Variants in SDAD1 observed in about 807,000 individuals in gnomAD.
SDAD1 encodes the protein SDA1 domain containing 1.
SDAD1 carries 79 observed loss-of-function variants against 100.3 expected under a neutral mutation model. The ratio of observed to expected loss-of-function variants is 0.79; its 90% CI spans 0.66 to 0.95. SDAD1 has a LOEUF of 0.95. Ranked by LOEUF, SDAD1 falls within the 40% of genes least tolerant of loss-of-function variation. SDAD1 has a pLI of 0.00. For missense variants in SDAD1, 790 were observed against 810.9 expected (o/e 0.97, Z 0.31); for synonymous variants, 267 against 271.4 (o/e 0.98, Z 0.16).
At position 75,970,293 on chromosome 4, in the gene SDAD1, C is replaced by T. The variant is rs188879822; in HGVS notation, c.883+16G>A. On this transcript the variant is annotated intron_variant, in intron 10 of 21. Transcript: ENST00000356260. ...AGATAAGGCCAACAAGGAACTCGGA[C>T]GTCATAATAACGTACCTTGGGGATC... The T allele has an allele frequency of 6.2e-4, 990 of 1,606,050 alleles. 1 individual carries two copies. Among genetic ancestry groups the T allele is most frequent in the Non-Finnish European group, 5.8e-4 (676 of 1,173,300 alleles).
Position 75,971,416 on chromosome 4 carries a change from T to C in SDAD1, c.754A>G (p.Thr252Ala), listed in dbSNP as rs774926966. 2.8e-5 allele frequency: 45 copies of C among 1,613,992 alleles called. No homozygotes were observed. The highest frequency in any genetic ancestry group is 8.8e-5 in the South Asian group (8 of 91,092). Residue 252 changes from threonine (T) to alanine (A), a missense_variant, in exon 9 of 22, where the codon ACA (threonine) becomes GCA (alanine). By Grantham distance (58) the Thr-to-Ala change is moderately conservative. Transcript: ENST00000356260. Reference protein sequence around the residue: ...TARDLLVQYATGKKSSKNKKK... With the variant: ...TARDLLVQYAAGKKSSKNKKK... Reference sequence around the variant, plus strand: ...TTGTTTTTGGAACTTTTCTTCCCTGTAGCATATTGTACTAGCAGGTCTCTT... The same window carrying C: ...TTGTTTTTGGAACTTTTCTTCCCTGCAGCATATTGTACTAGCAGGTCTCTT...
rs1391860793 is a variant in SDAD1, at chr4:75,971,365, C to T, written c.805G>A (p.Val269Met). Reference sequence around the variant, plus strand: ...CCAGATACAAGTCCCACCTTGAGCACTTTCATTGCCTTTTCCAACTTTTTC... The same window carrying T: ...CCAGATACAAGTCCCACCTTGAGCATTTTCATTGCCTTTTCCAACTTTTTC... ...NKKKLEKAMK[V>M]LKKQKKKKKP... Residue 269 changes from valine (V) to methionine (M), a missense_variant, in exon 9 of 22, where the codon GTG (valine) becomes ATG (methionine). Val to Met is a conservative substitution (Grantham distance 21, BLOSUM62 1). Coordinates refer to ENST00000356260, the MANE Select transcript of SDAD1 (RefSeq NM_018115.4). 5 of 1,612,256 alleles carry T rather than the reference C, an allele frequency of 3.1e-6. No homozygotes were observed. The highest frequency in any genetic ancestry group is 1.3e-5 in the African/African-American group (1 of 74,988).
intron 3 of SDAD1, among the ~76,000 whole-genome samples, chr4:75,978,558 T>G (rs1730289971): frequency 6.6e-6 from 1 of 152,028 alleles, no homozygotes; most frequent in South Asian, 2.1e-4. Flanking sequence ...CACCCAAATT[T>G]TGTGTTACCC....
chr4:75,990,711 C>T, intron 1 of SDAD1, 41 bp downstream of exon 1: 1 of 1,612,640 alleles, frequency 6.2e-7, no homozygotes, highest in African/African-American at 1.3e-5. Context: ...TCTCAACCAT[C>T]CACTATCCGG....
chr4:75,968,648 C>G (rs1004478939), intron 11 of SDAD1, among the ~76,000 whole-genome samples: 4 of 152,056 alleles, frequency 2.6e-5, no homozygotes, highest in Non-Finnish European at 4.4e-5. Context: ...GTTAAACAAA[C>G]AGTGAGATGT....
Position 75,960,173 on chromosome 4 carries a change from G to A in SDAD1, c.1376C>T (p.Ser459Phe). Residue 459 changes from serine to phenylalanine, a missense_variant, in exon 17 of 22, where the codon TCC becomes TTC. Physicochemically the swap from Ser to Phe is radical, Grantham distance 155 (BLOSUM62 -2). Coordinates refer to ENST00000356260, the MANE Select transcript of SDAD1 (RefSeq NM_018115.4). Reference sequence around the variant, plus strand: ...ATATTCTTGTACTCTTGCTTCTATGGAGGCCTCTGTAGGCTTACCCTAAAG... The same window carrying A: ...ATATTCTTGTACTCTTGCTTCTATGAAGGCCTCTGTAGGCTTACCCTAAAG... The part of the protein sequence containing the change: ...KKFRGKPTEA[S>F]IEARVQEYGE... 1 of 1,606,014 alleles carries A rather than the reference G, an allele frequency of 6.2e-7. No homozygotes were observed. The highest frequency in any genetic ancestry group is 8.5e-7 in the Non-Finnish European group (1 of 1,177,284).
rs1398421535 is a variant in SDAD1 at position 75,975,959 on chromosome 4, T to C, written c.442A>G (p.Ile148Val). Residue 148 changes from isoleucine (I) to valine (V), a missense_variant, in exon 5 of 22, where the codon ATA becomes GTA. By Grantham distance (29) the Ile-to-Val change is conservative (BLOSUM62 3). Transcript: ENST00000356260. ...YTHIVTDIKN[I>V]NAKHKNNKVN... ...TTATTGTTCTTGTGTTTTGCATTTA[T>C]ATTCTTGATATCAGTCACAATATGT... 1 of 1,604,402 alleles carries C rather than the reference T, an allele frequency of 6.2e-7. No individual in the cohort carries two copies. Among genetic ancestry groups the C allele is most frequent in the Non-Finnish European group, 8.5e-7 (1 of 1,171,272 alleles).
chr4:75,981,508 T>A (rs747870533), intron 2 of SDAD1, 38 bp from the exon 3 acceptor site: 1 of 1,612,058 alleles, frequency 6.2e-7, no homozygotes, highest in East Asian at 2.2e-5. Context: ...GTTGCTCTCT[T>A]TCTCTCCTAT....
intron 10 of SDAD1, among the ~76,000 whole-genome samples, chr4:75,969,942 G>A (rs780481003): frequency 6.6e-6 from 1 of 151,526 alleles, no homozygotes; most frequent in Non-Finnish European, 1.5e-5. Flanking sequence ...TTGAGAACTA[G>A]TGTTCTCGAA....
At chr4:75,965,699 G>T in intron 13 of SDAD1, 65 bp downstream of exon 13, 1 of 1,352,088 alleles carries the variant, frequency 7.4e-7, no homozygotes, top group Non-Finnish European at 1.1e-6. Context: ...GATAGACCCT[G>T]AAGTACCTAA....
In SDAD1 at chr4:75,970,389, G is replaced by A. The variant is rs1037069349; in HGVS notation, c.814-11C>T. The A allele has an allele frequency of 1.9e-6, 3 of 1,604,140 alleles. No homozygotes were observed. The highest frequency in any genetic ancestry group is 1.3e-5 in the African/African-American group (1 of 74,830). Reference sequence around the variant, plus strand: ...CTTCTTTTTTTGTTTCTGAAAGGGAGAGGAAAAACATTTTCAGTCTGAGTT... The same window carrying A: ...CTTCTTTTTTTGTTTCTGAAAGGGAAAGGAAAAACATTTTCAGTCTGAGTT... On this transcript the variant is annotated splice_polypyrimidine_tract_variant and intron_variant, in intron 9 of 21. Coordinates refer to ENST00000356260, the MANE Select transcript of SDAD1 (RefSeq NM_018115.4).
chr4:75,971,604 C>T (rs1729870849), intron 8 of SDAD1, 146 bp from the exon 9 acceptor site: 3 of 628,954 alleles, frequency 4.8e-6, no homozygotes, highest in African/African-American at 1.9e-5. Flanking sequence ...GGCGCAGTGG[C>T]TCACGTCTGT....
chr4:75,978,069 T>C (rs73825592), intron 3 of SDAD1, among the ~76,000 whole-genome samples: 2,059 of 152,240 alleles, frequency 0.014, 37 homozygotes, highest in African/African-American at 0.045. Context: ...CTCTTTGTAG[T>C]GTCATCATAC....
At chr4:75,956,664 GC>G (rs1728914136) in intron 20 of SDAD1, among the ~76,000 whole-genome samples, 1 of 152,130 alleles carries the variant, frequency 6.6e-6, no homozygotes, top group South Asian at 2.1e-4. Context: ...ACTGGCTCTG[GC>G]TTTTCACTGG....
chr4:75,989,266 A>T (rs6532073), intron 1 of SDAD1, among the ~76,000 whole-genome samples: 151,202 of 152,280 alleles, frequency 0.99, 75,070 homozygotes, highest in East Asian at 1. Flanking sequence ...ACCTAAAATG[A>T]TGTTTACCTG....
rs1241800907 is a variant in SDAD1 at position 75,953,138 on chromosome 4, A to T, written c.2017-2341T>A. ...TTCCAAATGACAAGAAAATTGGAGA[A>T]CAAGAAAAAACATTCTTGAACCAAC... On this transcript the variant is annotated intron_variant, in intron 21 of 21. Transcript: ENST00000356260. 2.0e-5 allele frequency among the ~76,000 whole-genome samples: 3 copies of T among 152,220 alleles called. No homozygotes were observed. In the East Asian group the frequency reaches 5.8e-4, roughly 29 times the overall value.
At chr4:75,955,459 G>A (rs1458128728) in intron 21 of SDAD1, among the ~76,000 whole-genome samples, 3 of 152,058 alleles carry the variant, frequency 2.0e-5, no homozygotes, top group Non-Finnish European at 4.4e-5. Context: ...GCCAGATCCC[G>A]CAATAATCAC....
chr4:75,951,330 A>G (rs765720625), intron 21 of SDAD1, among the ~76,000 whole-genome samples: 2 of 152,200 alleles, frequency 1.3e-5, no homozygotes, highest in Non-Finnish European at 2.9e-5. Flanking sequence ...GAAACAAAGA[A>G]AAGTGATACC....
At chr4:75,952,602 A>G (rs1363702577) in intron 21 of SDAD1, among the ~76,000 whole-genome samples, 1 of 152,152 alleles carries the variant, frequency 6.6e-6, no homozygotes, top group Non-Finnish European at 1.5e-5. Flanking sequence ...TATTTAAGAC[A>G]CTGAAATATC....
Sources: allele counts gnomAD v4.1 joint callset (sites outside exome capture counted in the v4.1 genomes callset), GRCh38; gene constraint gnomAD v4.1.1; transcripts MANE v1.5; gene names NCBI Gene and HGNC (gene_info 2026-07-23, HGNC 2026-07-21).